The following CWC27 variants were observed in gnomAD, a reference collection of about 807,000 sequenced individuals.
The protein encoded by CWC27 is spliceosome-associated protein CWC27 homolog.
CWC27 carries 47 observed loss-of-function variants against 63.6 expected under a neutral mutation model. That is an observed-to-expected ratio of 0.74 (90% CI 0.58 to 0.94). The LOEUF is 0.94. CWC27 is among the 40% of genes least tolerant of loss of function. The probability of loss-of-function intolerance (pLI) is 0.00; values close to 1 mark genes in which losing one functional copy is unlikely to be tolerated. For missense variants in CWC27, 495 were observed against 554.3 expected, an observed-to-expected ratio of 0.89 and a Z score of 1.07; for synonymous variants, 175 against 179.8, an observed-to-expected ratio of 0.97 and a Z score of 0.22.
At chr5:64,834,092 C>CTT (rs543249604) in intron 10 of CWC27, among the ~76,000 whole-genome samples, 1 of 140,930 alleles carries the variant, frequency 7.1e-6, no homozygotes, top group Non-Finnish European at 1.6e-5. Flanking sequence ...ATGCCCCTCG[C>CTT]TTTTTTTTTT....
At position 64,936,778 on chromosome 5, in the gene CWC27, C is replaced by A. The variant is rs371438488; in HGVS notation, c.1043-34925C>A. 8.5e-5 allele frequency among the ~76,000 whole-genome samples: 13 copies of A among 152,210 alleles called. 1 individual carries two copies. In the East Asian group the frequency reaches 2.3e-3, roughly 27 times the overall value. On this transcript the variant is annotated intron_variant, in intron 11 of 13. Coordinates refer to ENST00000381070, the MANE Select transcript of CWC27 (RefSeq NM_005869.4). ...ATTAATTACTGCCTTAAATTCAGAA[C>A]TTGTTATTGGTCTATTCAGGGATTT...
intron 13 of CWC27, among the ~76,000 whole-genome samples, chr5:64,996,794 A>G (rs912282341): frequency 1.3e-5 from 2 of 152,106 alleles, no homozygotes; most frequent in Non-Finnish European, 2.9e-5. Context: ...CCTAGTTTAT[A>G]TGGGGAAACA....
intron 1 of CWC27, among the ~76,000 whole-genome samples, chr5:64,769,997 A>C (rs190456606): frequency 6.6e-6 from 1 of 152,232 alleles, no homozygotes; most frequent in Non-Finnish European, 1.5e-5. Flanking sequence ...AGCTTATATC[A>C]CATATGAAAT....
At chr5:65,014,909 A>G (rs1750024588) in intron 13 of CWC27, among the ~76,000 whole-genome samples, 1 of 152,260 alleles carries the variant, frequency 6.6e-6, no homozygotes, top group Non-Finnish European at 1.5e-5. Flanking sequence ...GTAACTAGCC[A>G]TGCTAAGTAT....
intron 10 of CWC27, among the ~76,000 whole-genome samples, chr5:64,835,306 T>A (rs1745632258): frequency 6.6e-6 from 1 of 151,786 alleles, no homozygotes; most frequent in African/African-American, 2.4e-5. Flanking sequence ...CTGTGTAAAG[T>A]AAAAGTCCAA....
chr5:64,908,306 T>C (rs1747706042), intron 11 of CWC27, among the ~76,000 whole-genome samples: 1 of 152,226 alleles, frequency 6.6e-6, no homozygotes, highest in South Asian at 2.1e-4. Flanking sequence ...TACTTCCAAC[T>C]ATGTGGTCAA....
chr5:64,840,389 AAAAAAATATATATATATATATATATATAT>A (rs1175443591), intron 10 of CWC27, among the ~76,000 whole-genome samples: 2 of 44,990 alleles, frequency 4.4e-5, no homozygotes, highest in East Asian at 5.6e-4. Flanking sequence ...AAAAAAAAAA[AAAAAAATATATATATATATATATATATAT>A]ATATATATAT....
intron 11 of CWC27, among the ~76,000 whole-genome samples, chr5:64,911,035 G>A (rs6881076): frequency 0.094 from 14,350 of 152,164 alleles, 2,059 homozygotes; most frequent in African/African-American, 0.31. Flanking sequence ...CTTCTGCATC[G>A]ATCATGCTGG....
At chr5:64,774,915 T>C (rs1743389848) in intron 2 of CWC27, 128 bp downstream of exon 2, 2 of 576,196 alleles carry the variant, frequency 3.5e-6, no homozygotes, top group Non-Finnish European at 6.1e-6. Context: ...TATGAGGATA[T>C]GGTATTGAGC....
chr5:64,976,223 C>T (rs1749226268), intron 12 of CWC27, among the ~76,000 whole-genome samples: 1 of 151,976 alleles, frequency 6.6e-6, no homozygotes. Context: ...GTGCGTAAGC[C>T]ATTTTCTCTG....
At chr5:64,919,913 T>TAGTG (rs1747964214) in intron 11 of CWC27, among the ~76,000 whole-genome samples, 1 of 152,230 alleles carries the variant, frequency 6.6e-6, no homozygotes, top group Non-Finnish European at 1.5e-5. Context: ...GATTTTCTTT[T>TAGTG]GGATATTTAC....
intron 10 of CWC27, among the ~76,000 whole-genome samples, chr5:64,847,699 A>C (rs1231768252): frequency 6.6e-6 from 1 of 152,198 alleles, no homozygotes. Context: ...CAATGATATG[A>C]AGGTAGAAAT....
chr5:64,866,726 A>G (rs976765000), intron 10 of CWC27, among the ~76,000 whole-genome samples: 2 of 152,006 alleles, frequency 1.3e-5, no homozygotes, highest in Admixed American at 6.6e-5. Flanking sequence ...TCTCTCTATT[A>G]TTGACTTCTA....
intron 13 of CWC27, among the ~76,000 whole-genome samples, chr5:64,994,585 A>G (rs1321034201): frequency 6.6e-6 from 1 of 152,194 alleles, no homozygotes; most frequent in Non-Finnish European, 1.5e-5. Flanking sequence ...CAATATAAAC[A>G]CCATCAAAAC....
At chr5:64,873,761 A>G (rs1269045362) in intron 10 of CWC27, among the ~76,000 whole-genome samples, 2 of 152,116 alleles carry the variant, frequency 1.3e-5, no homozygotes, top group South Asian at 2.1e-4. Flanking sequence ...GCCCTAAACC[A>G]ATGTCCTGAG....
At chr5:64,798,327 A>G (rs548441588) in intron 7 of CWC27, among the ~76,000 whole-genome samples, 2 of 152,308 alleles carry the variant, frequency 1.3e-5, no homozygotes, top group African/African-American at 4.8e-5. Context: ...ATTGTGGAAT[A>G]CTACATTTTG....
intron 7 of CWC27, among the ~76,000 whole-genome samples, chr5:64,793,649 C>T (rs1312732162): frequency 6.6e-6 from 1 of 152,036 alleles, no homozygotes; most frequent in Non-Finnish European, 1.5e-5. Context: ...GAGCCAAAGC[C>T]AAATAAGTGT....
At chr5:64,933,613 C>T (rs972396706) in intron 11 of CWC27, among the ~76,000 whole-genome samples, 4 of 151,920 alleles carry the variant, frequency 2.6e-5, no homozygotes, top group Non-Finnish European at 1.5e-5. Context: ...CTGCCTCAGC[C>T]TCCTGAGTAG....
chr5:64,936,933 A>G (rs1417806602), intron 11 of CWC27, among the ~76,000 whole-genome samples: 1 of 152,028 alleles, frequency 6.6e-6, no homozygotes, highest in East Asian at 1.9e-4. Context: ...TTTCTGTGCA[A>G]CCAGTAACGA....
Sources: allele counts gnomAD v4.1 joint callset (sites outside exome capture counted in the v4.1 genomes callset), GRCh38; gene constraint gnomAD v4.1.1; transcripts MANE v1.5; gene names NCBI Gene and HGNC (gene_info 2026-07-23, HGNC 2026-07-21).